The following PCDHGB3 variants were observed in gnomAD, a reference collection of about 807,000 sequenced individuals.
PCDHGB3 encodes the protein protocadherin gamma-B3.
Under a neutral mutation model 59.2 loss-of-function variants are expected in PCDHGB3, and 40 were observed. The ratio of observed to expected loss-of-function variants is 0.68; its 90% CI spans 0.52 to 0.88. The LOEUF (loss-of-function observed/expected upper bound fraction) is 0.88. PCDHGB3 is among the 40% of genes least tolerant of loss of function. The pLI is 0.00. For synonymous variants in PCDHGB3, 581 were observed against 503.6 expected (o/e 1.15, Z -2.06); for missense variants, 1,309 against 1,187.9 (o/e 1.10, Z -1.50).
At chr5:141,504,502 G>A (rs2099838821) in intron 2 of PCDHGB3, among the ~76,000 whole-genome samples, 1 of 152,128 alleles carries the variant, frequency 6.6e-6, no homozygotes, top group Non-Finnish European at 1.5e-5. Context: ...CCCAGTCTGA[G>A]TGGATCTCCT....
chr5:141,421,379 AGGACCTGGGGCT>A, intron 1 of PCDHGB3: 1 of 1,614,054 alleles, frequency 6.2e-7, no homozygotes, highest in South Asian at 1.1e-5. Context: ...AATATCTCCA[AGGACCTGGGGCT>A]GGAGCCCCGG....
rs776657082 is a variant in PCDHGB3, at chr5:141,432,778, G to A, written c.2415+59969G>A. On this transcript the variant is annotated intron_variant, in intron 1 of 3. Coordinates refer to ENST00000576222, the MANE Select transcript of PCDHGB3 (RefSeq NM_018924.5). The surrounding 1 kb of genome is among the most constrained non-coding windows in gnomAD (Gnocchi z 6.0). ...CCGACAGCATCCCCCAAGTCCTGGC[G>A]GACCTCGGCAGCCTCGAGTCTCCAG... 6.2e-7 allele frequency: 1 copy of A among 1,614,166 alleles called. No homozygotes were observed. Among genetic ancestry groups the A allele is most frequent in the Non-Finnish European group, 8.5e-7 (1 of 1,180,002 alleles).
chr5:141,478,385 T>C (rs919846683), intron 1 of PCDHGB3: 1 of 1,613,628 alleles, frequency 6.2e-7, no homozygotes, highest in Non-Finnish European at 8.5e-7. Context: ...GCCGCACCTT[T>C]ACCATCAGGT....
intron 1 of PCDHGB3, among the ~76,000 whole-genome samples, chr5:141,467,288 A>G (rs1322298174): frequency 6.6e-6 from 1 of 152,084 alleles, no homozygotes; most frequent in Non-Finnish European, 1.5e-5. Context: ...CTTGACCTCA[A>G]GTGATCCACT....
intron 1 of PCDHGB3, chr5:141,413,776 G>A: frequency 6.2e-7 from 1 of 1,613,188 alleles, no homozygotes; most frequent in Non-Finnish European, 8.5e-7. Context: ...GCTGGTACTG[G>A]AGCACTCCCT....
Position 141,431,887 on chromosome 5 carries a change from T to G in PCDHGB3, c.2415+59078T>G. ...TTTTAAATGTAAATGACCAAGATTC[T>G]GAGGAAAACGGACAGGTGATCTGTT... On this transcript the variant is annotated intron_variant, in intron 1 of 3. Transcript: ENST00000576222. The surrounding 1 kb of genome is among the most constrained non-coding windows in gnomAD (Gnocchi z 4.8). 6.2e-7 allele frequency: 1 copy of G among 1,614,190 alleles called. No individual in the cohort carries two copies. Among genetic ancestry groups the G allele is most frequent in the Non-Finnish European group, 8.5e-7 (1 of 1,179,996 alleles).
chr5:141,413,387 T>G (rs902208287), intron 1 of PCDHGB3: 1 of 1,613,908 alleles, frequency 6.2e-7, no homozygotes, highest in Non-Finnish European at 8.5e-7. Context: ...GTCCGCATAG[T>G]CTCCAGAGGT....
chr5:141,422,656 G>A (rs759548203), intron 1 of PCDHGB3: 3 of 1,609,780 alleles, frequency 1.9e-6, no homozygotes, highest in Non-Finnish European at 1.7e-6. Context: ...CTCAGTGACC[G>A]CCCTCGACCC....
chr5:141,418,429 A>T (rs765952024), intron 1 of PCDHGB3: 2 of 1,613,854 alleles, frequency 1.2e-6, no homozygotes, highest in African/African-American at 2.7e-5. Context: ...ATGGTGGCAA[A>T]TATCCAGAAT....
Position 141,399,778 on chromosome 5 carries a change from C to G in PCDHGB3, c.2415+26969C>G, listed in dbSNP as rs187080333. ...GAGCCTGCGCGTGTTGGTGGGCGACCGAAACGACAACGCACCGCGGGTGCT... is the reference window on the plus strand; with the variant it reads ...GAGCCTGCGCGTGTTGGTGGGCGACGGAAACGACAACGCACCGCGGGTGCT... On this transcript the variant is annotated intron_variant, in intron 1 of 3. Coordinates refer to ENST00000576222, the MANE Select transcript of PCDHGB3 (RefSeq NM_018924.5). The G allele has an allele frequency of 3.4e-4, 542 of 1,613,250 alleles. 2 individuals are homozygous for G. The African/African-American group carries it at 5.6e-3, about 17-fold the overall frequency.
chr5:141,419,564 C>A (rs2096400387), intron 1 of PCDHGB3: 5 of 1,611,832 alleles, frequency 3.1e-6, no homozygotes, highest in Non-Finnish European at 4.2e-6. Context: ...TGCGCTGGGT[C>A]CCGACGGCTC....
intron 2 of PCDHGB3, 34 bp from the exon 3 acceptor site, chr5:141,505,359 G>T: frequency 1.9e-6 from 3 of 1,613,870 alleles, no homozygotes; most frequent in Non-Finnish European, 2.5e-6. Context: ...TGCCGGCCTG[G>T]GAGTCTGTGC....
chr5:141,423,116 C>T (rs374000303), intron 1 of PCDHGB3: 210 of 1,613,682 alleles, frequency 1.3e-4, no homozygotes, highest in Middle Eastern at 4.9e-4. Context: ...GTGCGTACAG[C>T]GCGGGCACTG....
chr5:141,394,818 C>T lies in PCDHGB3; in HGVS notation c.2415+22009C>T, dbSNP rs2093105005. On this transcript the variant is annotated intron_variant, in intron 1 of 3. Coordinates refer to ENST00000576222, the MANE Select transcript of PCDHGB3 (RefSeq NM_018924.5). Reference sequence around the variant, plus strand: ...CACCGTAGCCGTGGCTGACAGCATCCCCGAAGTCCTGACCGAGTTGGGCAG... The same window carrying T: ...CACCGTAGCCGTGGCTGACAGCATCTCCGAAGTCCTGACCGAGTTGGGCAG... The T allele has an allele frequency of 5.6e-6, 9 of 1,613,904 alleles. No individual in the cohort carries two copies. Among genetic ancestry groups the T allele is most frequent in the Non-Finnish European group, 7.6e-6 (9 of 1,180,012 alleles).
rs778271895 is a variant in PCDHGB3 at position 141,404,140 on chromosome 5, T to C, written c.2415+31331T>C. ...AGAATCTATCTTTTACATTAGAAAA[T>C]TCAGAAGAAGATTATTACAGATTGT... On this transcript the variant is annotated intron_variant, in intron 1 of 3. Coordinates refer to ENST00000576222, the MANE Select transcript of PCDHGB3 (RefSeq NM_018924.5). The C allele has an allele frequency of 8.1e-6, 13 of 1,612,934 alleles. No homozygotes were observed. The South Asian group carries it at 1.3e-4, about 16-fold the overall frequency.
At chr5:141,413,432 G>A (rs1193674962) in intron 1 of PCDHGB3, 1 of 1,613,992 alleles carries the variant, frequency 6.2e-7, no homozygotes, top group African/African-American at 1.3e-5. Flanking sequence ...CCGCGCAGCG[G>A]CAGCTTGATC....
intron 1 of PCDHGB3, among the ~76,000 whole-genome samples, chr5:141,466,443 C>T (rs906096545): frequency 6.6e-6 from 1 of 152,186 alleles, no homozygotes; most frequent in African/African-American, 2.4e-5. Context: ...ACCGAGATGT[C>T]TATGGTGTTG....
chr5:141,476,230 G>A lies in PCDHGB3; in HGVS notation c.2416-18577G>A, dbSNP rs906283645. On this transcript the variant is annotated intron_variant, in intron 1 of 3. Coordinates refer to ENST00000576222, the MANE Select transcript of PCDHGB3 (RefSeq NM_018924.5). This position sits in a 1 kb window ranked among gnomAD's most constrained non-coding sequence, Gnocchi z 7.6. Reference sequence around the variant, plus strand: ...CCACGGTCATTCACTATGAGATCCCGGAGGAAAGAGAGAAGGGTTTCGCTG... The same window carrying A: ...CCACGGTCATTCACTATGAGATCCCAGAGGAAAGAGAGAAGGGTTTCGCTG... The A allele has an allele frequency of 1.2e-6, 2 of 1,614,040 alleles. No homozygotes were observed. Among genetic ancestry groups the A allele is most frequent in the Non-Finnish European group, 1.7e-6 (2 of 1,180,024 alleles).
chr5:141,501,237 A>G (rs1327502244), intron 2 of PCDHGB3, among the ~76,000 whole-genome samples: 1 of 150,372 alleles, frequency 6.7e-6, no homozygotes, highest in Non-Finnish European at 1.5e-5. Flanking sequence ...CAGTTTTTTG[A>G]GCATGATGTA....
Sources: allele counts gnomAD v4.1 joint callset (sites outside exome capture counted in the v4.1 genomes callset), GRCh38; gene constraint gnomAD v4.1.1; non-coding constraint Gnocchi (gnomAD v3.1); transcripts MANE v1.5; gene names NCBI Gene and HGNC (gene_info 2026-07-23, HGNC 2026-07-21).